Variants in CLDN20 observed in about 807,000 individuals in gnomAD.
CLDN20 encodes the protein claudin-20.
For missense variants in CLDN20, 258 were observed against 267.9 expected (o/e 0.96, Z 0.26); for synonymous variants, 104 against 103.6 (o/e 1.00, Z -0.03).
intron 1 of CLDN20, among the ~76,000 whole-genome samples, chr6:155,267,597 G>A (rs1417121330): frequency 6.6e-6 from 1 of 152,176 alleles, no homozygotes; most frequent in Non-Finnish European, 1.5e-5. Context: ...CACAGTAGGT[G>A]GTCCCAGCAG....
intron 1 of CLDN20, among the ~76,000 whole-genome samples, chr6:155,267,437 T>C (rs1169823100): frequency 6.6e-6 from 1 of 152,254 alleles, no homozygotes; most frequent in Non-Finnish European, 1.5e-5. Flanking sequence ...GTCTTCAGTA[T>C]GTCCAAAGAA....
At chr6:155,266,746 C>G (rs965826847) in intron 1 of CLDN20, among the ~76,000 whole-genome samples, 16 of 145,710 alleles carry the variant, frequency 1.1e-4, no homozygotes, top group African/African-American at 4.1e-4. Flanking sequence ...ACTTGGGAGG[C>G]TGAGGCAGGA....
chr6:155,266,130 G>T (rs1784622873), intron 1 of CLDN20, among the ~76,000 whole-genome samples: 1 of 151,992 alleles, frequency 6.6e-6, no homozygotes, highest in South Asian at 2.1e-4. Flanking sequence ...ATACACCCAG[G>T]ATCAATACTT....
chr6:155,265,423 G>A (rs1391243274), intron 1 of CLDN20, among the ~76,000 whole-genome samples: 2 of 152,016 alleles, frequency 1.3e-5, no homozygotes, highest in Non-Finnish European at 2.9e-5. Flanking sequence ...TTATCAAACG[G>A]ACTAGACATC....
intron 1 of CLDN20, among the ~76,000 whole-genome samples, chr6:155,274,615 T>C (rs773555912): frequency 3.3e-5 from 5 of 152,238 alleles, no homozygotes; most frequent in East Asian, 1.9e-4. Flanking sequence ...CAAAAAACAG[T>C]GGCTTAATTG....
At position 155,267,183 on chromosome 6, in the gene CLDN20, C is replaced by A. The variant is rs534924943; in HGVS notation, c.-105+2895C>A. The stretch of plus-strand genomic sequence containing the variant: ...AGAGACTGGGTTTCACCATGTTGGC[C>A]AGGCTGGTCTCAAACTTCTGGCCGC... On this transcript the variant is annotated intron_variant, in intron 1 of 1. Transcript: ENST00000367165. 9.9e-5 allele frequency among the ~76,000 whole-genome samples: 15 copies of A among 152,210 alleles called. No homozygotes were observed. In the East Asian group the frequency reaches 2.9e-3, roughly 30 times the overall value.
At chr6:155,267,906 G>C (rs926699293) in intron 1 of CLDN20, among the ~76,000 whole-genome samples, 2 of 152,166 alleles carry the variant, frequency 1.3e-5, no homozygotes, top group Non-Finnish European at 2.9e-5. Context: ...CAAACAATGA[G>C]TCCTTATAGT....
At chr6:155,267,559 C>T (rs371174481) in intron 1 of CLDN20, among the ~76,000 whole-genome samples, 2 of 152,118 alleles carry the variant, frequency 1.3e-5, no homozygotes, top group African/African-American at 2.4e-5. Context: ...TGGTGAGTGA[C>T]GACAGCAGGT....
Position 155,275,958 on chromosome 6 carries a change from C to T in CLDN20, c.239C>T (p.Ala80Val), listed in dbSNP as rs141689255. ...TCCCTCCCCATCCACGTGCAGGCTG[C>T]GAGAGCCACCATGGTCCTGGCGTGT... ...ILSLPIHVQA[A>V]RATMVLACVL... Residue 80 changes from alanine to valine, a missense_variant, in exon 2 of 2, where the codon GCG (alanine) becomes GTG (valine). By Grantham distance (64) the Ala-to-Val change is moderately conservative (BLOSUM62 0). Coordinates refer to ENST00000367165, the MANE Select transcript of CLDN20 (RefSeq NM_001001346.3). The T allele has an allele frequency of 1.4e-4, 228 of 1,614,038 alleles. No individual in the cohort carries two copies. Among genetic ancestry groups the T allele is most frequent in the Non-Finnish European group, 1.7e-4 (195 of 1,180,046 alleles).
intron 1 of CLDN20, among the ~76,000 whole-genome samples, chr6:155,272,951 A>G (rs1687369678): frequency 6.6e-6 from 1 of 152,228 alleles, no homozygotes; most frequent in Non-Finnish European, 1.5e-5. Context: ...TAGATTGACA[A>G]CAAAGGTTAT....
intron 1 of CLDN20, among the ~76,000 whole-genome samples, chr6:155,270,645 AC>A (rs1784875630): frequency 6.6e-6 from 1 of 152,178 alleles, no homozygotes; most frequent in Non-Finnish European, 1.5e-5. Context: ...AGCATGCTTA[AC>A]CCATTTATCC....
chr6:155,269,553 C>T (rs1287800575), intron 1 of CLDN20, among the ~76,000 whole-genome samples: 1 of 151,964 alleles, frequency 6.6e-6, no homozygotes, highest in East Asian at 1.9e-4. Context: ...AATTCCTGAC[C>T]TCAGGCGATC....
intron 1 of CLDN20, among the ~76,000 whole-genome samples, chr6:155,271,065 C>T (rs1310214763): frequency 6.6e-6 from 1 of 152,164 alleles, no homozygotes; most frequent in Non-Finnish European, 1.5e-5. Flanking sequence ...CAATGCAAAA[C>T]TTAGGATTAA....
chr6:155,275,899 G>T lies in CLDN20; in HGVS notation c.180G>T (p.Gly60=). Residue 60 remains glycine, a synonymous_variant, in exon 2 of 2, where the codon GGG becomes GGT. Coordinates refer to ENST00000367165, the MANE Select transcript of CLDN20 (RefSeq NM_001001346.3). ...TGGACTGTACGTGGTACAGCACTGGGATGTTCAGCTGTGCCCTGAAACACT... is the reference window on the plus strand; with the variant it reads ...TGGACTGTACGTGGTACAGCACTGGTATGTTCAGCTGTGCCCTGAAACACT... ...LWMDCTWYST[G]MFSCALKHSI... is the part of the protein sequence containing the mutation. 1 of 1,614,144 alleles carries T rather than the reference G, an allele frequency of 6.2e-7. No individual in the cohort carries two copies. Among genetic ancestry groups the T allele is most frequent in the Non-Finnish European group, 8.5e-7 (1 of 1,180,026 alleles).
chr6:155,274,375 GC>G (rs1298040322), intron 1 of CLDN20, among the ~76,000 whole-genome samples: 4 of 152,204 alleles, frequency 2.6e-5, no homozygotes, highest in African/African-American at 9.7e-5. Flanking sequence ...TTAAAACACA[GC>G]CAAGCCACAA....
chr6:155,266,643 G>C (rs1784646017), intron 1 of CLDN20, among the ~76,000 whole-genome samples: 1 of 151,872 alleles, frequency 6.6e-6, no homozygotes, highest in Non-Finnish European at 1.5e-5. Flanking sequence ...TCAGGAGATC[G>C]AGACCATCCT....
chr6:155,273,257 A>G lies in CLDN20; in HGVS notation c.-104-2359A>G, dbSNP rs111352140. On this transcript the variant is annotated intron_variant, in intron 1 of 1. Transcript: ENST00000367165. Reference sequence around the variant, plus strand: ...GTATGATAGCAGGTGAATCCTAGGCACACTGATGTCTACAGATAAGTCTGA... The same window carrying G: ...GTATGATAGCAGGTGAATCCTAGGCGCACTGATGTCTACAGATAAGTCTGA... Among the ~76,000 whole-genome samples the G allele has an allele frequency of 8.3e-3, 1,258 of 152,340 alleles. 23 individuals are homozygous for G. Among genetic ancestry groups the G allele is most frequent in the African/African-American group, 0.028 (1,175 of 41,580 alleles).
chr6:155,276,318 AG>A lies in CLDN20; in HGVS notation c.600del (p.Gln200HisfsTer16), dbSNP rs1313034646. ...PEARLDPPTQQPISNTQLENN... is the reference protein window; with the variant it reads ...PEARLDPPTQXPISNTQLENN... Reference sequence around the variant, plus strand: ...GCTAGACTCGACCCACCCACACAGCAGCCTATCTCTAACACACAGCTCGAGA... The same window carrying A: ...GCTAGACTCGACCCACCCACACAGCACCTATCTCTAACACACAGCTCGAGA... On this transcript the variant is annotated frameshift_variant, in exon 2 of 2. Coordinates refer to ENST00000367165, the MANE Select transcript of CLDN20 (RefSeq NM_001001346.3). LOFTEE classifies it low-confidence loss of function (END_TRUNC). The A allele has an allele frequency of 6.2e-7, 1 of 1,613,774 alleles. No homozygotes were observed. The highest frequency in any genetic ancestry group is 8.5e-7 in the Non-Finnish European group (1 of 1,180,036).
intron 1 of CLDN20, among the ~76,000 whole-genome samples, chr6:155,267,515 C>G (rs1784711833): frequency 6.6e-6 from 1 of 152,200 alleles, no homozygotes; most frequent in Non-Finnish European, 1.5e-5. Flanking sequence ...CTCATTGGCA[C>G]TAGAGAAGCT....
Sources: allele counts gnomAD v4.1 joint callset (sites outside exome capture counted in the v4.1 genomes callset), GRCh38; gene constraint gnomAD v4.1.1; transcripts MANE v1.5; gene names NCBI Gene and HGNC (gene_info 2026-07-23, HGNC 2026-07-21).